SYT16: variants seen among roughly 807,000 people sequenced by gnomAD.
SYT16 encodes synaptotagmin 16.
In SYT16, 42 loss-of-function variants were observed where a neutral mutation model predicts 61.4. That is an observed-to-expected ratio of 0.68 (90% CI 0.53 to 0.89). SYT16 has a LOEUF of 0.89. SYT16 is among the 40% of genes least tolerant of loss of function. The probability of loss-of-function intolerance (pLI) is 0.00; values close to 1 mark genes in which losing one functional copy is unlikely to be tolerated. For missense variants in SYT16, 804 were observed against 807.3 expected, an observed-to-expected ratio of 1.00 and a Z score of 0.05; for synonymous variants, 314 against 302.3, an observed-to-expected ratio of 1.04 and a Z score of -0.40.
chr14:61,849,231 A>T (rs1266917736), intron 1 of SYT16, among the ~76,000 whole-genome samples: 2 of 152,148 alleles, frequency 1.3e-5, no homozygotes, highest in East Asian at 3.9e-4. Context: ...CTCCTGAGGC[A>T]GAAGGAAGGA....
chr14:61,955,900 C>G lies in SYT16; in HGVS notation c.-324-14232C>G, dbSNP rs866684953. On this transcript the variant is annotated intron_variant, in intron 1 of 7. Transcript: ENST00000683842. ...CATAGTGTCTGTACCAATTTACATT[C>G]CCATCAACACTGTAAAAGGGTTCCC... 7.2e-5 allele frequency among the ~76,000 whole-genome samples: 11 copies of G among 152,174 alleles called. No individual in the cohort carries two copies. In the Middle Eastern group the frequency reaches 0.014, roughly 188 times the overall value.
intron 3 of SYT16, among the ~76,000 whole-genome samples, chr14:62,010,389 G>A (rs895797374): frequency 1.3e-5 from 2 of 152,184 alleles, no homozygotes; most frequent in African/African-American, 2.4e-5. Context: ...TGAGAAGGCA[G>A]CATGTAAACA....
At chr14:61,849,077 C>G (rs1425087610) in intron 1 of SYT16, among the ~76,000 whole-genome samples, 2 of 152,202 alleles carry the variant, frequency 1.3e-5, no homozygotes, top group Non-Finnish European at 2.9e-5. Flanking sequence ...AGGCTCCCTT[C>G]TGGCCCAAGC....
intron 7 of SYT16, among the ~76,000 whole-genome samples, chr14:62,092,058 T>C (rs998503559): frequency 6.6e-6 from 1 of 151,964 alleles, no homozygotes; most frequent in African/African-American, 2.4e-5. Context: ...TCCTCCAAAG[T>C]TGATATATAA....
rs144727341 is a variant in SYT16, at chr14:62,000,835, ATCCTTTGTTTT to A, written c.523+4294_523+4304del. Among the ~76,000 whole-genome samples the A allele has an allele frequency of 8.1e-3, 1,239 of 152,238 alleles. 16 individuals are homozygous for A. Among genetic ancestry groups the A allele is most frequent in the African/African-American group, 0.027 (1,126 of 41,566 alleles). On this transcript the variant is annotated intron_variant, in intron 3 of 7. Coordinates refer to ENST00000683842, the MANE Select transcript of SYT16 (RefSeq NM_001367656.1). ...ACAGTATACTCAATTCTTCCTGCTTATCCTTTGTTTTATTGATGTCATATATTTTAGTCTTA... is the reference window on the plus strand; with the variant it reads ...ACAGTATACTCAATTCTTCCTGCTTAATTGATGTCATATATTTTAGTCTTA...
intron 1 of SYT16, among the ~76,000 whole-genome samples, chr14:61,951,900 C>T (rs2050687204): frequency 6.6e-6 from 1 of 152,228 alleles, no homozygotes; most frequent in Admixed American, 6.5e-5. Flanking sequence ...AGTGATCCTC[C>T]CACCTCTGCC....
At chr14:61,971,632 C>T (rs1368817513) in intron 2 of SYT16, among the ~76,000 whole-genome samples, 6 of 152,192 alleles carry the variant, frequency 3.9e-5, no homozygotes, top group South Asian at 2.1e-4. Flanking sequence ...TCAAGCTCTA[C>T]GTTTAGGAAA....
At chr14:61,985,708 C>T (rs759847033) in intron 2 of SYT16, among the ~76,000 whole-genome samples, 2 of 152,056 alleles carry the variant, frequency 1.3e-5, no homozygotes, top group African/African-American at 4.8e-5. Flanking sequence ...TAAAAACTAT[C>T]CCTAGATTTT....
Position 62,104,865 on chromosome 14 carries a change from G to A in SYT16, c.*4158G>A, listed in dbSNP as rs2057485709. 1 of 152,214 alleles carries A rather than the reference G, an allele frequency of 6.6e-6. No individual in the cohort carries two copies. The highest frequency in any genetic ancestry group is 1.5e-5 in the Non-Finnish European group (1 of 68,032). The allele number at this position is 152,214 out of a possible 1,614,324, so 9.4% of individuals were successfully genotyped here. On this transcript the variant is annotated 3_prime_UTR_variant, in exon 8 of 8. Transcript: ENST00000683842. ...CTTAAAAGATATCAGTGAAATCACA[G>A]ATGTAATGTGCCTAGCATAGAGCCG...
In SYT16 at chr14:61,815,541, T is replaced by C. The variant is rs532910668; in HGVS notation, c.-325+2731T>C. On this transcript the variant is annotated intron_variant, in intron 1 of 7. Coordinates refer to ENST00000683842, the MANE Select transcript of SYT16 (RefSeq NM_001367656.1). Reference sequence around the variant, plus strand: ...TGTAGCATGTAAATTATATAAAATATGGAGATATTTTTAAAATATTTGCCT... The same window carrying C: ...TGTAGCATGTAAATTATATAAAATACGGAGATATTTTTAAAATATTTGCCT... Among the ~76,000 whole-genome samples, 118 of 152,258 alleles carry C rather than the reference T, an allele frequency of 7.7e-4. 4 individuals are homozygous for C. The South Asian group carries it at 0.024, about 31-fold the overall frequency.
Position 61,878,318 on chromosome 14 carries a change from A to G in SYT16, c.-325+65508A>G, listed in dbSNP as rs541370494. Among the ~76,000 whole-genome samples the G allele has an allele frequency of 1.0e-3, 153 of 152,334 alleles. 1 individual carries two copies. Among genetic ancestry groups the G allele is most frequent in the African/African-American group, 3.5e-3 (144 of 41,574 alleles). On this transcript the variant is annotated intron_variant, in intron 1 of 7. Transcript: ENST00000683842. ...GTTATTTCTTGCCTCCTTTTTGCTC[A>G]GTTATGTAAACGTCCATTTGTGGGA...
intron 1 of SYT16, among the ~76,000 whole-genome samples, chr14:61,873,837 A>G (rs541030811): frequency 9.2e-5 from 14 of 152,242 alleles, no homozygotes; most frequent in Admixed American, 2.0e-4. Flanking sequence ...TTAGGAAACC[A>G]TAACTGATGG....
At chr14:61,910,545 T>A (rs866604712) in intron 1 of SYT16, among the ~76,000 whole-genome samples, 1 of 151,160 alleles carries the variant, frequency 6.6e-6, no homozygotes, top group South Asian at 2.1e-4. Flanking sequence ...TTTTTTTTTT[T>A]TTTGAGACAG....
chr14:61,964,427 G>A (rs2051229767), intron 1 of SYT16, among the ~76,000 whole-genome samples: 1 of 152,166 alleles, frequency 6.6e-6, no homozygotes, highest in African/African-American at 2.4e-5. Flanking sequence ...GATGGAAATA[G>A]CCAGTGAACT....
At chr14:61,828,240 C>T (rs145908946) in intron 1 of SYT16, among the ~76,000 whole-genome samples, 35 of 152,302 alleles carry the variant, frequency 2.3e-4, no homozygotes. Context: ...GTTTGTGGTA[C>T]TTTGTTATGG....
In SYT16 at chr14:62,108,670, AATTTT is replaced by A. The variant is rs2057553221; in HGVS notation, c.*7964_*7968del. 6.6e-6 allele frequency: 1 copy of A among 152,166 alleles called. No individual in the cohort carries two copies. The highest frequency in any genetic ancestry group is 2.4e-5 in the African/African-American group (1 of 41,456). The allele number at this position is 152,166 out of a possible 1,614,324, so 9.4% of individuals were successfully genotyped here. ...ACCATATGAATGCAGCTGCAAATTC[AATTTT>A]GTGAAATACAAAGTCCTTTCCAGAA... On this transcript the variant is annotated 3_prime_UTR_variant, in exon 8 of 8. Transcript: ENST00000683842.
chr14:61,879,432 C>T (rs1019360986), intron 1 of SYT16, among the ~76,000 whole-genome samples: 1 of 152,308 alleles, frequency 6.6e-6, no homozygotes. Flanking sequence ...TCTCTCTTAG[C>T]ACTTTTGACA....
At chr14:61,968,948 T>TTTTTG (rs1555363768) in intron 1 of SYT16, among the ~76,000 whole-genome samples, 1 of 152,200 alleles carries the variant, frequency 6.6e-6, no homozygotes. Flanking sequence ...TTGCCTGCTA[T>TTTTTG]TTTTGTTTTG....
intron 1 of SYT16, among the ~76,000 whole-genome samples, chr14:61,906,508 C>A (rs768047874): frequency 6.6e-6 from 1 of 152,114 alleles, no homozygotes; most frequent in Non-Finnish European, 1.5e-5. Context: ...TCTCGCTCTT[C>A]GGCTTTTTTT....
Sources: allele counts gnomAD v4.1 joint callset (sites outside exome capture counted in the v4.1 genomes callset), GRCh38; gene constraint gnomAD v4.1.1; transcripts MANE v1.5; gene names NCBI Gene and HGNC (gene_info 2026-07-23, HGNC 2026-07-21).